Variants in FAAH2 observed in about 807,000 individuals in gnomAD.
The protein encoded by FAAH2 is fatty-acid amide hydrolase 2.
FAAH2 carries 60 observed loss-of-function variants against 36.9 expected under a neutral mutation model. That is an observed-to-expected ratio of 1.63 (90% CI 1.32 to 2.02). The LOEUF is 2.02. Ranked by LOEUF, FAAH2 falls within the 30% of genes most tolerant of loss-of-function variation. The pLI, the probability that FAAH2 is intolerant of heterozygous loss-of-function variation, is 0.00. For synonymous variants in FAAH2, 214 were observed against 143.8 expected, an observed-to-expected ratio of 1.49 and a Z score of -3.49; for missense variants, 689 against 397.5, an observed-to-expected ratio of 1.73 and a Z score of -6.23.
the FAAH2 span, among the ~76,000 whole-genome samples, chrX:57,221,966 C>T: frequency 3.0e-4 from 33 of 110,512 alleles, no homozygotes; most frequent in Non-Finnish European, 7.6e-5. Flanking sequence ...TAGCCCCTCT[C>T]AAAAAAACTG....
chrX:57,154,030 A>G, the FAAH2 span, among the ~76,000 whole-genome samples: 1 of 111,593 alleles, frequency 9.0e-6, no homozygotes, highest in African/African-American at 3.3e-5. Flanking sequence ...ATAATCCCAA[A>G]CTTCTTGGAA....
chrX:57,372,097 G>A (rs890639281), intron 5 of FAAH2, among the ~76,000 whole-genome samples: 14 of 37,021 alleles, frequency 3.8e-4, no homozygotes, highest in East Asian at 2.8e-3. Flanking sequence ...GAATAGTGCT[G>A]TGATGAACAT....
At chrX:57,195,905 G>T in the FAAH2 span, among the ~76,000 whole-genome samples, 1 of 112,044 alleles carries the variant, frequency 8.9e-6, no homozygotes, top group African/African-American at 3.2e-5. Flanking sequence ...AAGATCAGTT[G>T]GCTGTAAGCA....
the FAAH2 span, among the ~76,000 whole-genome samples, chrX:57,276,613 CA>C: frequency 8.0e-4 from 88 of 110,536 alleles, 1 homozygote; most frequent in Admixed American, 3.4e-3. Context: ...AAAAACCCTT[CA>C]AAAAAATCAA....
At chrX:57,195,429 C>A in the FAAH2 span, among the ~76,000 whole-genome samples, 15 of 111,648 alleles carry the variant, frequency 1.3e-4, no homozygotes, top group African/African-American at 4.6e-4. Flanking sequence ...CTATTCATGT[C>A]TTTATCCCAC....
At chrX:57,387,786 A>G (rs1469995286) in intron 7 of FAAH2, among the ~76,000 whole-genome samples, 2 of 111,375 alleles carry the variant, frequency 1.8e-5, no homozygotes, top group East Asian at 5.6e-4. Context: ...ATAATCTGTC[A>G]TTGCATAAAT....
intron 4 of FAAH2, among the ~76,000 whole-genome samples, chrX:57,337,427 A>G (rs2053581084): frequency 9.0e-6 from 1 of 111,665 alleles, no homozygotes; most frequent in African/African-American, 3.3e-5. Context: ...TCATCCTGAT[A>G]AGAAAACCTG....
chrX:57,260,800 T>C, the FAAH2 span, among the ~76,000 whole-genome samples: 1 of 110,899 alleles, frequency 9.0e-6, no homozygotes. Context: ...AAAATATGTT[T>C]AGTATCATTA....
chrX:57,173,248 T>C, the FAAH2 span, among the ~76,000 whole-genome samples: 3 of 112,616 alleles, frequency 2.7e-5, no homozygotes, highest in Non-Finnish European at 5.6e-5. Flanking sequence ...TCATCTATTA[T>C]TTCTTTCAGC....
chrX:57,393,565 C>T, intron 7 of FAAH2: 3 of 937,117 alleles, frequency 3.2e-6, no homozygotes, highest in Non-Finnish European at 4.6e-6. Context: ...GAGTGCCCTC[C>T]AATCTCTGCA....
chrX:57,456,950 C>A (rs969857235), intron 10 of FAAH2, among the ~76,000 whole-genome samples: 6 of 111,565 alleles, frequency 5.4e-5, no homozygotes, highest in Non-Finnish European at 1.1e-4. Flanking sequence ...ATGAATCCAG[C>A]AGCATTCTGA....
At chrX:57,434,159 A>G (rs1294455371) in intron 8 of FAAH2, among the ~76,000 whole-genome samples, 1 of 102,069 alleles carries the variant, frequency 9.8e-6, no homozygotes, top group African/African-American at 3.7e-5. Flanking sequence ...ATCTTGGCCT[A>G]CTGCAACCTC....
chrX:57,210,490 G>A, the FAAH2 span, among the ~76,000 whole-genome samples: 30 of 111,876 alleles, frequency 2.7e-4, no homozygotes, highest in Admixed American at 2.6e-3. Flanking sequence ...TATATAATAT[G>A]ATTAATAAAA....
At chrX:57,275,750 C>CAA in the FAAH2 span, among the ~76,000 whole-genome samples, 27 of 109,169 alleles carry the variant, frequency 2.5e-4, no homozygotes, top group African/African-American at 7.7e-4. Flanking sequence ...AAAGGAAAGC[C>CAA]AAAAAAAGAA....
the FAAH2 span, among the ~76,000 whole-genome samples, chrX:57,122,830 T>A: frequency 1.8e-5 from 2 of 111,177 alleles, no homozygotes; most frequent in Non-Finnish European, 3.8e-5. Context: ...GTAATAATAA[T>A]CTCGATTCAA....
chrX:57,253,734 C>T, the FAAH2 span, among the ~76,000 whole-genome samples: 1 of 111,193 alleles, frequency 9.0e-6, no homozygotes. Flanking sequence ...ATTTTGTCAC[C>T]ACAAGGCCTG....
chrX:57,243,699 A>G, the FAAH2 span, among the ~76,000 whole-genome samples: 2 of 112,016 alleles, frequency 1.8e-5, no homozygotes, highest in Non-Finnish European at 3.8e-5. Flanking sequence ...AAGGAATAAT[A>G]TCAACATCAA....
the FAAH2 span, among the ~76,000 whole-genome samples, chrX:57,125,069 C>T: frequency 8.9e-6 from 1 of 112,751 alleles, no homozygotes; most frequent in African/African-American, 3.2e-5. Flanking sequence ...GAGAGGGCAT[C>T]CCTGTCTTGT....
intron 2 of FAAH2, among the ~76,000 whole-genome samples, chrX:57,295,730 C>T (rs2052125389): frequency 1.8e-5 from 2 of 112,013 alleles, no homozygotes; most frequent in Admixed American, 1.9e-4. Flanking sequence ...TGACAGATGG[C>T]ACCTGGAAAA....
Sources: allele counts gnomAD v4.1 joint callset (sites outside exome capture counted in the v4.1 genomes callset), GRCh38; gene constraint gnomAD v4.1.1; transcripts MANE v1.5; gene names NCBI Gene and HGNC (gene_info 2026-07-23, HGNC 2026-07-21).